HUWE1: variants seen among roughly 807,000 people sequenced by gnomAD.
HUWE1 encodes the protein HECT, UBA and WWE domain containing E3 ubiquitin protein ligase 1, also known as E3 ubiquitin-protein ligase HUWE1.
HUWE1 carries 18 observed loss-of-function variants against 299.4 expected under a neutral mutation model. The observed-to-expected ratio is 0.06, with a 90% CI of 0.04 to 0.09. The LOEUF is 0.09. HUWE1 is among the 10% of genes least tolerant of loss of function. HUWE1 has a pLI of 1.00. For synonymous variants in HUWE1, 1,317 were observed against 1,286.1 expected (o/e 1.02, Z -0.51); for missense variants, 1,832 against 3,462.3 (o/e 0.53, Z 11.82).
At position 53,586,639 on chromosome X, in the gene HUWE1, A is replaced by G. The variant is rs1317032079; in HGVS notation, c.4743-68T>C. ...GCACAAATTGGGAAAATATATCTTA[A>G]TTTCATCAGATGCTTCCTTTATAAT... is the stretch of plus-strand genomic sequence containing the variant. On this transcript the variant is annotated intron_variant, in intron 38 of 83. Coordinates refer to ENST00000262854, the MANE Select transcript of HUWE1 (RefSeq NM_031407.7). 9.5e-6 allele frequency: 10 copies of G among 1,054,621 alleles called. No individual in the cohort carries two copies. In the East Asian group the frequency reaches 3.1e-4, roughly 33 times the overall value. The allele number at this position is 1,054,621 out of a possible 1,213,427, so 86.9% of individuals were successfully genotyped here.
rs2060811186 is a variant in HUWE1 at position 53,532,301 on chromosome X, T to C, written c.*1008A>G. 1 of 111,142 alleles carries C rather than the reference T, an allele frequency of 9.0e-6. No individual in the cohort carries two copies. Among genetic ancestry groups the C allele is most frequent in the Non-Finnish European group, 1.9e-5 (1 of 53,080 alleles). 9.2% of individuals were successfully genotyped at this position (111,142 alleles called of 1,213,427 possible). On this transcript the variant is annotated 3_prime_UTR_variant, in exon 84 of 84. Coordinates refer to ENST00000262854, the MANE Select transcript of HUWE1 (RefSeq NM_031407.7). ...TAGACAAACAAAAATAATGGTCTTC[T>C]GGCGACCTAGTTAAATTACTCGCTT...
intron 19 of HUWE1, among the ~76,000 whole-genome samples, chrX:53,620,564 C>A (rs925795799): frequency 8.9e-6 from 1 of 111,831 alleles, no homozygotes. Flanking sequence ...GTACTGTTCA[C>A]AGAAAGCAGG....
chrX:53,627,940 G>A lies in HUWE1; in HGVS notation c.1243-61C>T. On this transcript the variant is annotated intron_variant, in intron 15 of 83. Transcript: ENST00000262854. The stretch of plus-strand genomic sequence containing the variant: ...ATAAAGACACAAAGTTGTAAAAATT[G>A]CATGCTTTTGTATACATGTAGTCTG... The A allele has an allele frequency of 4.7e-6, 5 of 1,066,970 alleles. No homozygotes were observed. In the South Asian group the frequency reaches 9.5e-5, roughly 20 times the overall value. 87.9% of individuals were successfully genotyped at this position (1,066,970 alleles called of 1,213,427 possible). A position where few individuals can be genotyped will look rare whatever the true frequency, so the allele number is the denominator to read the frequency against.
At chrX:53,626,827 C>T (rs1025567626) in intron 17 of HUWE1, among the ~76,000 whole-genome samples, 1 of 111,529 alleles carries the variant, frequency 9.0e-6, no homozygotes, top group African/African-American at 3.3e-5. Context: ...CCACCCCACC[C>T]GGCTAAGTTT....
rs782110546 is a variant in HUWE1, at chrX:53,573,963, A to C, written c.6099T>G (p.Ala2033=). The C allele has an allele frequency of 5.8e-6, 7 of 1,203,806 alleles. No homozygotes were observed. Among genetic ancestry groups the C allele is most frequent in the Non-Finnish European group, 5.6e-6 (5 of 889,062 alleles). ...CATCTCGAGACTCCTCTGGAGTTGA[A>C]GCTGTTGAGAAAAGTCAAACACTGG... ...TSASGTSQGE[A]STPEESRDGK... The change falls in exon 47 of 84, where the codon GCT becomes GCG. Residue 2033 remains alanine, a splice_region_variant and synonymous_variant. Coordinates refer to ENST00000262854, the MANE Select transcript of HUWE1 (RefSeq NM_031407.7).
chrX:53,668,011 C>T (rs1557048185), intron 3 of HUWE1, among the ~76,000 whole-genome samples: 1 of 111,052 alleles, frequency 9.0e-6, no homozygotes, highest in Non-Finnish European at 1.9e-5. Context: ...TTTCCCAAAG[C>T]CACATGATAG....
At chrX:53,625,857 C>A in intron 17 of HUWE1, 1 of 189,902 alleles carries the variant, frequency 5.3e-6, no homozygotes, top group Non-Finnish European at 1.1e-5. Flanking sequence ...GGGGCCAGGG[C>A]CGGGGCCGGG....
chrX:53,667,833 T>C (rs2069323307), intron 3 of HUWE1, among the ~76,000 whole-genome samples: 2 of 111,756 alleles, frequency 1.8e-5, no homozygotes, highest in Admixed American at 9.5e-5. Flanking sequence ...TTGGTCTTTT[T>C]CCCAGAAGAC....
At position 53,586,946 on chromosome X, in the gene HUWE1, T is replaced by C. The variant is rs781988403; in HGVS notation, c.4615-37A>G. 20 of 1,189,146 alleles carry C rather than the reference T, an allele frequency of 1.7e-5. No homozygotes were observed. The Admixed American group carries it at 4.4e-4, about 26-fold the overall frequency. Reference sequence around the variant, plus strand: ...AAGGGAAAAAACAACAACAACCAGATACCAATTTCTACTCAGTAACAAAGA... The same window carrying C: ...AAGGGAAAAAACAACAACAACCAGACACCAATTTCTACTCAGTAACAAAGA... On this transcript the variant is annotated intron_variant, in intron 37 of 83. Transcript: ENST00000262854.
chrX:53,641,969 A>G (rs1557031528), intron 7 of HUWE1, among the ~76,000 whole-genome samples: 1 of 111,364 alleles, frequency 9.0e-6, no homozygotes, highest in African/African-American at 3.3e-5. Context: ...CCCCTAGTGG[A>G]TACCCGAAAA....
intron 4 of HUWE1, among the ~76,000 whole-genome samples, chrX:53,651,690 C>T (rs1011836154): frequency 1.6e-4 from 18 of 111,546 alleles, no homozygotes; most frequent in Non-Finnish European, 1.3e-4. Flanking sequence ...GCAGACTATA[C>T]TCAATACCTG....
chrX:53,654,181 G>GT, intron 3 of HUWE1, 50 bp from the exon 4 acceptor site: 1 of 762,354 alleles, frequency 1.3e-6, no homozygotes, highest in Non-Finnish European at 2.0e-6. Context: ...CTACAATCTT[G>GT]AGCTCTACAA....
chrX:53,649,135 A>G (rs1335039818), intron 4 of HUWE1, among the ~76,000 whole-genome samples: 1 of 112,189 alleles, frequency 8.9e-6, no homozygotes, highest in Non-Finnish European at 1.9e-5. Context: ...GTCTGGATTC[A>G]CTTTTTAACT....
intron 42 of HUWE1, among the ~76,000 whole-genome samples, chrX:53,581,711 AC>A (rs2063625067): frequency 9.0e-6 from 1 of 110,977 alleles, no homozygotes; most frequent in South Asian, 3.8e-4. Context: ...AGCACATTAT[AC>A]CCTCTGTATC....
At chrX:53,564,282 G>A (rs888184673) in intron 51 of HUWE1, among the ~76,000 whole-genome samples, 6 of 111,730 alleles carry the variant, frequency 5.4e-5, no homozygotes, top group Non-Finnish European at 1.1e-4. Flanking sequence ...TCAAAGACCC[G>A]GGGCCCAACG....
chrX:53,577,099 A>G, intron 43 of HUWE1, 32 bp from the exon 44 acceptor site: 1 of 1,090,376 alleles, frequency 9.2e-7, no homozygotes, highest in Non-Finnish European at 1.3e-6. Flanking sequence ...AAACCAGTCA[A>G]TCATGAAGCA....
chrX:53,580,919 T>C lies in HUWE1; in HGVS notation c.5628A>G (p.Pro1876=), dbSNP rs782507562. The stretch of plus-strand genomic sequence containing the variant: ...ATATGTCTGGATTGCGGCATGCGGC[T>C]GGCCCAAGGACACGAAGGATGTAGT... ...EINYILRVLG[P]AACRNPDIFT... The change falls in exon 43 of 84, where the codon CCA becomes CCG. Residue 1876 remains proline, a synonymous_variant. Coordinates refer to ENST00000262854, the MANE Select transcript of HUWE1 (RefSeq NM_031407.7). The C allele has an allele frequency of 6.6e-6, 8 of 1,209,585 alleles. No individual in the cohort carries two copies. The East Asian group carries it at 2.4e-4, about 36-fold the overall frequency.
At chrX:53,535,997 T>C (rs374031392) in intron 80 of HUWE1, 150 bp downstream of exon 80, 1 of 461,386 alleles carries the variant, frequency 2.2e-6, no homozygotes, top group Non-Finnish European at 3.9e-6. Context: ...CTGTTTGTGA[T>C]GTCACTCACA....
chrX:53,566,671 C>T (rs1458301360), intron 49 of HUWE1, among the ~76,000 whole-genome samples: 5 of 111,293 alleles, frequency 4.5e-5, no homozygotes, highest in Admixed American at 9.5e-5. Flanking sequence ...AGGTTGGCCT[C>T]GAACTCCTAG....
Sources: gnomAD v4.1 joint callset for allele counts (sites outside exome capture counted in the v4.1 genomes callset) on GRCh38, gnomAD v4.1.1 for gene constraint, MANE v1.5 for transcripts, NCBI Gene and HGNC (gene_info 2026-07-23, HGNC 2026-07-21) for gene names.